ENTHD1: variants seen among roughly 807,000 people sequenced by gnomAD.
The protein encoded by ENTHD1 is ENTH domain containing 1, also known as ENTH domain-containing protein 1.
A neutral mutation model predicts 39.1 loss-of-function variants in ENTHD1; 23 were observed. The ratio of observed to expected loss-of-function variants is 0.59; its 90% CI spans 0.42 to 0.83. The LOEUF (loss-of-function observed/expected upper bound fraction) is 0.83, where lower values mean the gene tolerates loss of function less well. ENTHD1 is among the 40% of genes least tolerant of loss of function. The pLI is 0.00. For synonymous variants in ENTHD1, 230 were observed against 258.2 expected (o/e 0.89, Z 1.05); for missense variants, 624 against 705.4 (o/e 0.88, Z 1.31).
Position 39,876,351 on chromosome 22 carries a change from CT to C in ENTHD1, c.349+11048del, listed in dbSNP as rs578015545. 5.0e-3 allele frequency among the ~76,000 whole-genome samples: 767 copies of C among 152,286 alleles called. 6 individuals are homozygous for C. Among genetic ancestry groups the C allele is most frequent in the Middle Eastern group, 0.02 (6 of 294 alleles). On this transcript the variant is annotated intron_variant, in intron 2 of 6. Coordinates refer to ENST00000325157, the MANE Select transcript of ENTHD1 (RefSeq NM_152512.4). ...GTCATACACGCGAAAGGTACAACGT[CT>C]TTTAGCTAATTCTAATTAAAAATTA...
intron 5 of ENTHD1, among the ~76,000 whole-genome samples, chr22:39,786,000 A>C (rs909881637): frequency 1.3e-5 from 2 of 152,188 alleles, no homozygotes; most frequent in Admixed American, 6.5e-5. Context: ...TCAAGAAAAG[A>C]GAGGCTTTTA....
intron 2 of ENTHD1, chr22:39,874,651 G>A (rs943085279): frequency 1.2e-4 from 18 of 152,214 alleles, no homozygotes; most frequent in African/African-American, 4.1e-4. Flanking sequence ...TCCAAAATAT[G>A]TAAAAATTCC....
In ENTHD1 at chr22:39,826,935, T is replaced by C. The variant is rs1031124042; in HGVS notation, c.712-5822A>G. ...TTGCCCAGACTGGAATGCAGTGGTA[T>C]AATCTTGGCTCAAGCTGTCCTGCCA... is the stretch of plus-strand genomic sequence containing the variant. On this transcript the variant is annotated intron_variant, in intron 4 of 6. Transcript: ENST00000325157. Among the ~76,000 whole-genome samples the C allele has an allele frequency of 4.0e-5, 6 of 151,730 alleles. No homozygotes were observed. The South Asian group carries it at 1.0e-3, about 26-fold the overall frequency.
chr22:39,850,564 A>C (rs2066026946), intron 3 of ENTHD1, among the ~76,000 whole-genome samples: 1 of 151,742 alleles, frequency 6.6e-6, no homozygotes. Context: ...TATTTCTATT[A>C]TTTATTTTAC....
At chr22:39,858,248 C>A (rs1181557636) in intron 3 of ENTHD1, among the ~76,000 whole-genome samples, 2 of 152,236 alleles carry the variant, frequency 1.3e-5, no homozygotes, top group Non-Finnish European at 2.9e-5. Context: ...AAACCATTTT[C>A]TTTGCTCATC....
chr22:39,763,383 A>G (rs1381584772), intron 6 of ENTHD1, among the ~76,000 whole-genome samples: 2 of 152,042 alleles, frequency 1.3e-5, no homozygotes, highest in Non-Finnish European at 2.9e-5. Flanking sequence ...AGGTTTTAGG[A>G]TTTCTTCTCT....
chr22:39,795,054 T>C (rs117923155), intron 5 of ENTHD1, among the ~76,000 whole-genome samples: 5,891 of 152,250 alleles, frequency 0.039, 159 homozygotes, highest in Middle Eastern at 0.078. Context: ...TCCACTGATG[T>C]GGTATATATT....
chr22:39,753,436 G>T (rs982678537), intron 6 of ENTHD1, among the ~76,000 whole-genome samples: 17 of 152,164 alleles, frequency 1.1e-4, no homozygotes, highest in Admixed American at 9.8e-4. Flanking sequence ...ATCAAATGAG[G>T]TTGCAGCAGC....
At chr22:39,827,471 CAA>C (rs943203018) in intron 4 of ENTHD1, among the ~76,000 whole-genome samples, 6 of 151,948 alleles carry the variant, frequency 3.9e-5, no homozygotes, top group Admixed American at 2.0e-4. Flanking sequence ...CTCTAATACA[CAA>C]ATTGCTCTTA....
At chr22:39,746,626 G>A (rs2065107677) in intron 6 of ENTHD1, among the ~76,000 whole-genome samples, 1 of 152,186 alleles carries the variant, frequency 6.6e-6, no homozygotes, top group Non-Finnish European at 1.5e-5. Context: ...ATTTGTTGGG[G>A]AACCACTAAT....
chr22:39,747,497 C>T (rs2065114764), intron 6 of ENTHD1, among the ~76,000 whole-genome samples: 1 of 152,058 alleles, frequency 6.6e-6, no homozygotes, highest in African/African-American at 2.4e-5. Flanking sequence ...CTACACAATT[C>T]TATTACATTA....
In ENTHD1 at chr22:39,743,565, G is replaced by GA; in HGVS notation, c.*113dup. 7.9e-7 allele frequency: 1 copy of GA among 1,273,338 alleles called. No individual in the cohort carries two copies. Among genetic ancestry groups the GA allele is most frequent in the Non-Finnish European group, 1.0e-6 (1 of 960,090 alleles). The allele number at this position is 1,273,338 out of a possible 1,614,324, so 78.9% of individuals were successfully genotyped here. A position where few individuals can be genotyped will look rare whatever the true frequency, so the allele number is the denominator to read the frequency against. ...GATACTTGCTAATAAACCTGACAAGGAAAAATTAAACCATCCCCTTTTTTG... is the reference window on the plus strand; with the variant it reads ...GATACTTGCTAATAAACCTGACAAGGAAAAAATTAAACCATCCCCTTTTTTG... On this transcript the variant is annotated 3_prime_UTR_variant, in exon 7 of 7. Coordinates refer to ENST00000325157, the MANE Select transcript of ENTHD1 (RefSeq NM_152512.4).
At chr22:39,785,487 G>A (rs550803168) in intron 5 of ENTHD1, among the ~76,000 whole-genome samples, 2 of 152,326 alleles carry the variant, frequency 1.3e-5, no homozygotes, top group South Asian at 2.1e-4. Context: ...AACAGAGGGT[G>A]GAGAGTAAAA....
chr22:39,764,860 A>C (rs577372260), intron 6 of ENTHD1, among the ~76,000 whole-genome samples: 1 of 152,030 alleles, frequency 6.6e-6, no homozygotes, highest in Admixed American at 6.6e-5. Context: ...ACACCAATAC[A>C]CATAATAACC....
intron 4 of ENTHD1, among the ~76,000 whole-genome samples, chr22:39,830,239 T>C (rs1025569788): frequency 4.6e-5 from 7 of 152,072 alleles, no homozygotes; most frequent in African/African-American, 1.4e-4. Flanking sequence ...CCACGCCCGG[T>C]AATTTTCGTA....
chr22:39,889,759 G>C (rs896151484), intron 1 of ENTHD1, among the ~76,000 whole-genome samples: 5 of 151,732 alleles, frequency 3.3e-5, no homozygotes, highest in Non-Finnish European at 7.4e-5. Context: ...ACCTCTTTTT[G>C]GTAAAAATAC....
rs141537876 is a variant in ENTHD1 at position 39,749,199 on chromosome 22, C to T, written c.1220-4916G>A. 5.1e-3 allele frequency among the ~76,000 whole-genome samples: 783 copies of T among 152,300 alleles called. 2 individuals carry two copies. Among genetic ancestry groups the T allele is most frequent in the Non-Finnish European group, 8.5e-3 (577 of 68,018 alleles). On this transcript the variant is annotated intron_variant, in intron 6 of 6. Coordinates refer to ENST00000325157, the MANE Select transcript of ENTHD1 (RefSeq NM_152512.4). ...TTCAAGCTGCTCTCCAGGGTGCATCCTCACTGCCCATTTAGTTCTCCTGCC... is the reference window on the plus strand; with the variant it reads ...TTCAAGCTGCTCTCCAGGGTGCATCTTCACTGCCCATTTAGTTCTCCTGCC...
At chr22:39,855,119 G>A (rs945037504) in intron 3 of ENTHD1, among the ~76,000 whole-genome samples, 6 of 152,080 alleles carry the variant, frequency 3.9e-5, no homozygotes, top group South Asian at 4.1e-4. Flanking sequence ...TACAAGCTTC[G>A]TTCAATTTGT....
intron 5 of ENTHD1, among the ~76,000 whole-genome samples, chr22:39,818,825 C>T (rs540176377): frequency 4.6e-5 from 7 of 152,196 alleles, no homozygotes; most frequent in African/African-American, 1.4e-4. Flanking sequence ...CTTTTTTCCT[C>T]CTTAGGATTG....
Sources: allele counts gnomAD v4.1 joint callset (sites outside exome capture counted in the v4.1 genomes callset), GRCh38; gene constraint gnomAD v4.1.1; transcripts MANE v1.5; gene names NCBI Gene and HGNC (gene_info 2026-07-23, HGNC 2026-07-21).